Variants in USP6NL observed in about 807,000 individuals in gnomAD.
USP6NL encodes USP6 N-terminal-like protein.
In USP6NL, 26 loss-of-function variants were observed where a neutral mutation model predicts 61.9. That is an observed-to-expected ratio of 0.42 (90% CI 0.31 to 0.58). The LOEUF (loss-of-function observed/expected upper bound fraction) is 0.58, where lower values mean the gene tolerates loss of function less well. USP6NL is among the 20% of genes least tolerant of loss of function. The pLI, the probability that USP6NL is intolerant of heterozygous loss-of-function variation, is 0.16. For missense variants in USP6NL, 1,114 were observed against 1,034.3 expected, an observed-to-expected ratio of 1.08 and a Z score of -1.06; for synonymous variants, 432 against 390.1, an observed-to-expected ratio of 1.11 and a Z score of -1.27.
Position 11,509,629 on chromosome 10 carries a change from A to G in USP6NL, c.242T>C (p.Leu81Pro). The G allele has an allele frequency of 5.7e-6, 9 of 1,567,328 alleles. No individual in the cohort carries two copies. Among genetic ancestry groups the G allele is most frequent in the Non-Finnish European group, 7.8e-6 (9 of 1,154,896 alleles). Reference protein sequence around the residue: ...IERTTKWLKMLKGWEKYKNTE... With the variant: ...IERTTKWLKMPKGWEKYKNTE... Reference sequence around the variant, plus strand: ...GTTCTTGTATTTTTCCCATCCTTTCAGCATTTTCAGCCATTTGGTAGTTCT... The same window carrying G: ...GTTCTTGTATTTTTCCCATCCTTTCGGCATTTTCAGCCATTTGGTAGTTCT... The change falls in exon 6 of 15, where the codon CTG (leucine) becomes CCG (proline). Residue 81 changes from leucine to proline, a missense_variant. Leu to Pro is a moderately conservative substitution (Grantham distance 98). Transcript: ENST00000609104.
chr10:11,488,182 C>T (rs746940061), intron 10 of USP6NL, among the ~76,000 whole-genome samples: 2 of 152,032 alleles, frequency 1.3e-5, no homozygotes, highest in Admixed American at 6.5e-5. Flanking sequence ...GAGGCTGAGG[C>T]GGGAGGTTCA....
Position 11,520,358 on chromosome 10 carries a change from G to A in USP6NL, c.156-1784C>T, listed in dbSNP as rs1408566215. Among the ~76,000 whole-genome samples, 2 of 152,192 alleles carry A rather than the reference G, an allele frequency of 1.3e-5. No homozygotes were observed. Among genetic ancestry groups the A allele is most frequent in the Non-Finnish European group, 2.9e-5 (2 of 68,038 alleles). On this transcript the variant is annotated intron_variant, in intron 4 of 14. Coordinates refer to ENST00000609104, the MANE Select transcript of USP6NL (RefSeq NM_014688.5). The surrounding 1 kb of genome is among the most constrained non-coding windows in gnomAD (Gnocchi z 5.2). ...CTCCATATCTAAAACTTTTCATGGAGAATCTGCTGTGTGCATACCAATCTC... is the reference window on the plus strand; with the variant it reads ...CTCCATATCTAAAACTTTTCATGGAAAATCTGCTGTGTGCATACCAATCTC...
At chr10:11,581,222 G>C (rs1390458755) in intron 2 of USP6NL, among the ~76,000 whole-genome samples, 3 of 152,198 alleles carry the variant, frequency 2.0e-5, no homozygotes, top group Non-Finnish European at 2.9e-5. Context: ...CACATACAGA[G>C]ATAAGCACTA....
At chr10:11,556,439 CAT>C (rs1441417634) in intron 2 of USP6NL, among the ~76,000 whole-genome samples, 4 of 152,022 alleles carry the variant, frequency 2.6e-5, no homozygotes, top group African/African-American at 9.7e-5. Context: ...ATGACAATAA[CAT>C]ATGTAAACAG....
chr10:11,595,617 A>G lies in USP6NL; in HGVS notation c.4+2014T>C, dbSNP rs540037423. On this transcript the variant is annotated intron_variant, in intron 2 of 14. Coordinates refer to ENST00000609104, the MANE Select transcript of USP6NL (RefSeq NM_014688.5). The surrounding 1 kb of genome is among the most constrained non-coding windows in gnomAD (Gnocchi z 5.3). Reference sequence around the variant, plus strand: ...CAAAGCCAGGCAGAGACAAATATGAATCTGCTAGACCAGCATGAAAAAAAC... The same window carrying G: ...CAAAGCCAGGCAGAGACAAATATGAGTCTGCTAGACCAGCATGAAAAAAAC... 6.6e-6 allele frequency among the ~76,000 whole-genome samples: 1 copy of G among 152,282 alleles called. No homozygotes were observed. Among genetic ancestry groups the G allele is most frequent in the South Asian group, 2.1e-4 (1 of 4,820 alleles).
intron 2 of USP6NL, among the ~76,000 whole-genome samples, chr10:11,560,714 T>TATTATATA (rs138095176): frequency 1.6e-4 from 22 of 141,310 alleles, no homozygotes; most frequent in South Asian, 1.3e-3. Flanking sequence ...TATATATATA[T>TATTATATA]TATATATATA....
rs879898087 is a variant in USP6NL, at chr10:11,487,926, G to T, written c.664+1176C>A. 2.6e-5 allele frequency among the ~76,000 whole-genome samples: 4 copies of T among 152,100 alleles called. No individual in the cohort carries two copies. Among genetic ancestry groups the T allele is most frequent in the Admixed American group, 6.5e-5 (1 of 15,278 alleles). On this transcript the variant is annotated intron_variant, in intron 10 of 14. Coordinates refer to ENST00000609104, the MANE Select transcript of USP6NL (RefSeq NM_014688.5). The surrounding 1 kb of genome is among the most constrained non-coding windows in gnomAD (Gnocchi z 4.2). ...AAAACAGTACTTTAAATATATAGCA[G>T]GTTCCTCACCACACAAAGCTTATTC...
chr10:11,476,355 T>C lies in USP6NL; in HGVS notation c.1078+5415A>G, dbSNP rs1832967132. On this transcript the variant is annotated intron_variant, in intron 14 of 14. Coordinates refer to ENST00000609104, the MANE Select transcript of USP6NL (RefSeq NM_014688.5). The surrounding 1 kb of genome is among the most constrained non-coding windows in gnomAD (Gnocchi z 4.3). ...AGAGACAAGTATTTGAGGTGAAGTA[T>C]CCTGATGTCCTTATTTTCACTTTAA... Among the ~76,000 whole-genome samples the C allele has an allele frequency of 6.6e-6, 1 of 152,164 alleles. No individual in the cohort carries two copies. Among genetic ancestry groups the C allele is most frequent in the Non-Finnish European group, 1.5e-5 (1 of 68,034 alleles).
chr10:11,576,587 T>C (rs572456324), intron 2 of USP6NL, among the ~76,000 whole-genome samples: 35 of 152,326 alleles, frequency 2.3e-4, no homozygotes, highest in Non-Finnish European at 4.3e-4. Context: ...AGCAGGCCCC[T>C]AACAGACATT....
intron 2 of USP6NL, among the ~76,000 whole-genome samples, chr10:11,531,640 G>C (rs953946110): frequency 2.7e-5 from 4 of 148,444 alleles, no homozygotes; most frequent in African/African-American, 9.9e-5. Context: ...TTAAATATCA[G>C]TCCTCTCATT....
At chr10:11,545,907 T>C (rs1836257198) in intron 2 of USP6NL, among the ~76,000 whole-genome samples, 1 of 152,258 alleles carries the variant, frequency 6.6e-6, no homozygotes, top group Non-Finnish European at 1.5e-5. Context: ...CCAATAGTCC[T>C]TTCAAGAACA....
chr10:11,465,858 C>T lies in USP6NL; in HGVS notation c.1079-2009G>A, dbSNP rs989024037. Among the ~76,000 whole-genome samples the T allele has an allele frequency of 6.6e-6, 1 of 152,138 alleles. No individual in the cohort carries two copies. The highest frequency in any genetic ancestry group is 1.5e-5 in the Non-Finnish European group (1 of 68,024). ...GTTTTAAATAAATTTTAGGGACTGC[C>T]TTTTTCTGTTAGCAAAAAGTCACCT... is the stretch of plus-strand genomic sequence containing the variant. On this transcript the variant is annotated intron_variant, in intron 14 of 14. Transcript: ENST00000609104. This position sits in a 1 kb window ranked among gnomAD's most constrained non-coding sequence, Gnocchi z 4.5.
At position 11,461,962 on chromosome 10, in the gene USP6NL, AAGT is replaced by A. The variant is rs2096215719; in HGVS notation, c.*476_*478del. 6.5e-6 allele frequency: 1 copy of A among 153,564 alleles called. No homozygotes were observed. The highest frequency in any genetic ancestry group is 2.4e-5 in the African/African-American group (1 of 41,466). The allele number at this position is 153,564 out of a possible 1,614,324, so 9.5% of individuals were successfully genotyped here. A position where few individuals can be genotyped will look rare whatever the true frequency, so the allele number is the denominator to read the frequency against. ...ATATTATTCCATGGATCTGGATTAA[AAGT>A]AGTTTTTTAAAAAACGTTTCTTTAG... On this transcript the variant is annotated 3_prime_UTR_variant, in exon 15 of 15. Coordinates refer to ENST00000609104, the MANE Select transcript of USP6NL (RefSeq NM_014688.5).
chr10:11,558,972 A>G (rs1048808615), intron 2 of USP6NL, among the ~76,000 whole-genome samples: 3 of 152,360 alleles, frequency 2.0e-5, no homozygotes, highest in African/African-American at 7.2e-5. Context: ...TGAAAAACAA[A>G]ACATTGAAAA....
At chr10:11,521,055 GA>G (rs1207439037) in intron 4 of USP6NL, among the ~76,000 whole-genome samples, 4 of 152,116 alleles carry the variant, frequency 2.6e-5, no homozygotes, top group African/African-American at 9.7e-5. Flanking sequence ...CTTAAACTTT[GA>G]AAGTATTACT....
chr10:11,555,475 G>GAA lies in USP6NL; in HGVS notation c.5-27909_5-27908insTT, dbSNP rs1566178317. Among the ~76,000 whole-genome samples the GAA allele has an allele frequency of 2.2e-3, 270 of 125,390 alleles. 3 individuals carry two copies. Among genetic ancestry groups the GAA allele is most frequent in the African/African-American group, 8.1e-3 (258 of 31,692 alleles). 82.3% of individuals were successfully genotyped at this position (125,390 alleles called of 152,430 possible). A position where few individuals can be genotyped will look rare whatever the true frequency, so the allele number is the denominator to read the frequency against. ...ATAGAGAGAGAGAGAGAGAGAAAGA[G>GAA]AGAGAGAGAGAGAGAGAGAAGAGGA... is the stretch of plus-strand genomic sequence containing the variant. On this transcript the variant is annotated intron_variant, in intron 2 of 14. Transcript: ENST00000609104.
intron 2 of USP6NL, among the ~76,000 whole-genome samples, chr10:11,558,615 C>A (rs2133521956): frequency 6.6e-6 from 1 of 152,266 alleles, no homozygotes; most frequent in African/African-American, 2.4e-5. Context: ...ATAATCAAAC[C>A]ACACTGGACT....
In USP6NL at chr10:11,482,804, T is replaced by A. The variant is rs1278434329; in HGVS notation, c.926-882A>T. Among the ~76,000 whole-genome samples the A allele has an allele frequency of 1.3e-5, 2 of 152,190 alleles. No homozygotes were observed. Among genetic ancestry groups the A allele is most frequent in the Admixed American group, 6.5e-5 (1 of 15,272 alleles). Reference sequence around the variant, plus strand: ...AAGAAAAAAAAGAAAAAGGAAAAAATTTCTTATGAGCTTTAGCTAACTATT... The same window carrying A: ...AAGAAAAAAAAGAAAAAGGAAAAAAATTCTTATGAGCTTTAGCTAACTATT... On this transcript the variant is annotated intron_variant, in intron 13 of 14. Coordinates refer to ENST00000609104, the MANE Select transcript of USP6NL (RefSeq NM_014688.5). This position sits in a 1 kb window ranked among gnomAD's most constrained non-coding sequence, Gnocchi z 4.0.
chr10:11,521,593 G>A (rs1006766942), intron 4 of USP6NL, among the ~76,000 whole-genome samples: 1 of 151,916 alleles, frequency 6.6e-6, no homozygotes, highest in African/African-American at 2.4e-5. Flanking sequence ...TGTTGGCCAG[G>A]CTGGTCTTGA....
Sources: gnomAD v4.1 joint callset for allele counts (sites outside exome capture counted in the v4.1 genomes callset) on GRCh38, gnomAD v4.1.1 for gene constraint, Gnocchi (gnomAD v3.1) non-coding constraint, MANE v1.5 for transcripts, NCBI Gene and HGNC (gene_info 2026-07-23, HGNC 2026-07-21) for gene names.